The following ANK3 variants were observed in gnomAD, a reference collection of about 807,000 sequenced individuals.
ANK3 encodes ankyrin-3.
ANK3 carries 57 observed loss-of-function variants against 370.9 expected under a neutral mutation model. The ratio of observed to expected loss-of-function variants is 0.15; its 90% CI spans 0.12 to 0.19. The LOEUF (loss-of-function observed/expected upper bound fraction) is 0.19, where lower values mean the gene tolerates loss of function less well. Among genes scored for constraint, ANK3 ranks in the 10% least tolerant of loss-of-function variants. The pLI, the probability that ANK3 is intolerant of heterozygous loss-of-function variation, is 1.00. For synonymous variants in ANK3, 1,929 were observed against 1,946.3 expected, an observed-to-expected ratio of 0.99 and a Z score of 0.23; for missense variants, 4,439 against 5,302.1, an observed-to-expected ratio of 0.84 and a Z score of 5.06.
chr10:60,108,376 CCA>C (rs1395080438), intron 27 of ANK3: 4 of 236,904 alleles, frequency 1.7e-5, no homozygotes, highest in African/African-American at 4.7e-5. Flanking sequence ...TGATTTGTAC[CCA>C]AGTGCCACCT....
chr10:60,431,084 A>G (rs768187766), intron 2 of ANK3, among the ~76,000 whole-genome samples: 2 of 152,208 alleles, frequency 1.3e-5, no homozygotes, highest in Admixed American at 1.3e-4. Flanking sequence ...TTTATTGCGT[A>G]CTTTGTTTCT....
At position 60,060,240 on chromosome 10, in the gene ANK3, A is replaced by AATT. The variant is rs199815037; in HGVS notation, c.12596-813_12596-811dup. The stretch of plus-strand genomic sequence containing the variant: ...AGATATCAATTGTTTCTGTTTTGGA[A>AATT]ATTATGATACAATAAGTAAATATGC... On this transcript the variant is annotated intron_variant, in intron 40 of 43. Transcript: ENST00000280772. 678 of 343,074 alleles carry AATT rather than the reference A, an allele frequency of 2.0e-3. 4 individuals carry two copies. The highest frequency in any genetic ancestry group is 0.013 in the African/African-American group (638 of 47,560). 21.3% of individuals were successfully genotyped at this position (343,074 alleles called of 1,614,324 possible). A position where few individuals can be genotyped will look rare whatever the true frequency, so the allele number is the denominator to read the frequency against.
chr10:60,391,841 A>G (rs1050694690), upstream of ANK3, among the ~76,000 whole-genome samples: 5 of 152,222 alleles, frequency 3.3e-5, no homozygotes, highest in Admixed American at 1.3e-4. Context: ...AATGTTCAGA[A>G]GTTGAGAATG....
intron 1 of ANK3, among the ~76,000 whole-genome samples, chr10:60,284,556 G>A (rs1003208332): frequency 6.6e-6 from 1 of 152,086 alleles, no homozygotes; most frequent in Non-Finnish European, 1.5e-5. Flanking sequence ...TATTCCAAAT[G>A]AGAATTCTTA....
intron 2 of ANK3, among the ~76,000 whole-genome samples, chr10:60,571,281 T>TA (rs1434778665): frequency 6.6e-6 from 1 of 152,220 alleles, no homozygotes; most frequent in Non-Finnish European, 1.5e-5. Flanking sequence ...TGTTGGCATG[T>TA]ACATAGACAT....
chr10:60,554,332 G>A (rs897158678), intron 2 of ANK3, among the ~76,000 whole-genome samples: 2 of 152,088 alleles, frequency 1.3e-5, no homozygotes, highest in South Asian at 2.1e-4. Flanking sequence ...CTGCACCCAG[G>A]GAACCCAGGA....
chr10:60,075,293 G>C lies in ANK3; in HGVS notation c.5588C>G (p.Thr1863Arg), dbSNP rs903308797. 3.1e-6 allele frequency: 5 copies of C among 1,614,026 alleles called. No homozygotes were observed. The highest frequency in any genetic ancestry group is 2.5e-6 in the Non-Finnish European group (3 of 1,180,014). The change falls in exon 37 of 44, where the codon ACA becomes AGA. Residue 1863 changes from threonine to arginine, a missense_variant. Transcript: ENST00000280772. ...TCGACTGAAGTGAGGCTGAGGATGT[G>C]TCTCCGTAGTCAATGTTTTAATGGG... ...LSPIKTLTTE[T>R]HPQPHFSRTS... is the part of the protein sequence containing the mutation.
In ANK3 at chr10:60,153,657, A is replaced by G. The variant is rs2095235996; in HGVS notation, c.2614+12934T>C. Among the ~76,000 whole-genome samples the G allele has an allele frequency of 2.0e-5, 3 of 152,192 alleles. No homozygotes were observed. The South Asian group carries it at 6.2e-4, about 32-fold the overall frequency. Reference sequence around the variant, plus strand: ...GGATAGTGTGGGTGATAATCACTATATAATTCTAATTCCAAAGACAGGATA... The same window carrying G: ...GGATAGTGTGGGTGATAATCACTATGTAATTCTAATTCCAAAGACAGGATA... On this transcript the variant is annotated intron_variant, in intron 23 of 43. Transcript: ENST00000280772.
intron 2 of ANK3, among the ~76,000 whole-genome samples, chr10:60,515,967 G>A (rs1189917926): frequency 2.0e-5 from 3 of 152,094 alleles, no homozygotes; most frequent in African/African-American, 7.2e-5. Context: ...TAGTAAGGGA[G>A]ATAGATGACC....
intron 1 of ANK3, among the ~76,000 whole-genome samples, chr10:60,348,154 A>G (rs2132684613): frequency 6.6e-6 from 1 of 152,160 alleles, no homozygotes; most frequent in African/African-American, 2.4e-5. Context: ...AATTCTTTAA[A>G]GGGCCAAAGG....
chr10:60,153,478 T>C (rs928622070), intron 23 of ANK3, among the ~76,000 whole-genome samples: 1 of 152,168 alleles, frequency 6.6e-6, no homozygotes, highest in African/African-American at 2.4e-5. Context: ...GGAAGACAGA[T>C]TGCATAAAAC....
intron 28 of ANK3, among the ~76,000 whole-genome samples, chr10:60,099,245 A>G (rs1386955719): frequency 1.3e-5 from 2 of 149,770 alleles, no homozygotes; most frequent in Non-Finnish European, 2.9e-5. Context: ...AAAAAGTGTC[A>G]CCAGCAGGGG....
At chr10:60,103,319 T>C (rs1432219408) in intron 28 of ANK3, among the ~76,000 whole-genome samples, 3 of 152,130 alleles carry the variant, frequency 2.0e-5, no homozygotes, top group Non-Finnish European at 4.4e-5. Flanking sequence ...TATTTTTATC[T>C]TGTTAATTAA....
intron 1 of ANK3, among the ~76,000 whole-genome samples, chr10:60,728,270 C>T (rs2079971244): frequency 6.6e-6 from 1 of 152,172 alleles, no homozygotes; most frequent in African/African-American, 2.4e-5. Context: ...ACACCCAAGT[C>T]CTTGTTTTTT....
intron 7 of ANK3, among the ~76,000 whole-genome samples, chr10:60,237,066 G>C (rs958039812): frequency 6.6e-6 from 1 of 152,226 alleles, no homozygotes; most frequent in African/African-American, 2.4e-5. Flanking sequence ...CACAGCTTTC[G>C]ACTGTGTATA....
In ANK3 at chr10:60,180,594, C is replaced by CAAAAAA. The variant is rs58386273; in HGVS notation, c.2184+729_2184+734dup. 4.1e-3 allele frequency among the ~76,000 whole-genome samples: 261 copies of CAAAAAA among 63,384 alleles called. 37 individuals carry two copies. Among genetic ancestry groups the CAAAAAA allele is most frequent in the African/African-American group, 0.017 (241 of 14,594 alleles). 41.6% of individuals were successfully genotyped at this position (63,384 alleles called of 152,430 possible). On this transcript the variant is annotated intron_variant, in intron 18 of 43. Coordinates refer to ENST00000280772, the MANE Select transcript of ANK3 (RefSeq NM_020987.5). ...CTGGTAACAGAGTGAGACTCCGTCT[C>CAAAAAA]AAAAAAAAAAAAAAAAAAACCAAAA...
At chr10:60,049,241 TA>T (rs1371743742) in intron 42 of ANK3, among the ~76,000 whole-genome samples, 2 of 152,232 alleles carry the variant, frequency 1.3e-5, no homozygotes, top group African/African-American at 2.4e-5. Context: ...TCCTCAGTTA[TA>T]AAACCTATTC....
intron 2 of ANK3, among the ~76,000 whole-genome samples, chr10:60,484,064 T>C (rs1321349828): frequency 1.3e-5 from 2 of 152,062 alleles, no homozygotes; most frequent in African/African-American, 4.8e-5. Flanking sequence ...TAAACTCACA[T>C]CCTAAATGAA....
intron 23 of ANK3, among the ~76,000 whole-genome samples, chr10:60,151,628 T>A (rs944800061): frequency 2.0e-5 from 3 of 152,194 alleles, no homozygotes; most frequent in Non-Finnish European, 4.4e-5. Flanking sequence ...TCAGCCACCA[T>A]GCTTCTTGTA....
Sources: allele counts gnomAD v4.1 joint callset (sites outside exome capture counted in the v4.1 genomes callset), GRCh38; gene constraint gnomAD v4.1.1; transcripts MANE v1.5; gene names NCBI Gene and HGNC (gene_info 2026-07-23, HGNC 2026-07-21).